PNKD: variants seen among roughly 807,000 people sequenced by gnomAD.
The protein encoded by PNKD is probable thioesterase PNKD.
In PNKD, 36 loss-of-function variants were observed where a neutral mutation model predicts 45.3. The ratio of observed to expected loss-of-function variants is 0.80; its 90% confidence interval spans 0.61 to 1.05. The LOEUF is 1.05. PNKD is among the 50% of genes least tolerant of loss of function. The probability of loss-of-function intolerance (pLI) is 0.00; values close to 1 mark genes in which losing one functional copy is unlikely to be tolerated. For missense variants in PNKD, 511 were observed against 506.6 expected (o/e 1.01, Z -0.08); for synonymous variants, 197 against 210.1 (o/e 0.94, Z 0.54).
rs1035060821 is a variant in PNKD, at chr2:218,323,538, G to A, written c.237-16245G>A. 6 of 1,126,068 alleles carry A rather than the reference G, an allele frequency of 5.3e-6. 1 individual carries two copies. The South Asian group carries it at 9.8e-5, about 18-fold the overall frequency. 69.8% of individuals were successfully genotyped at this position (1,126,068 alleles called of 1,614,324 possible). On this transcript the variant is annotated intron_variant, in intron 2 of 9. Transcript: ENST00000273077. ...GGGGGTGGGCGTGGCGGTTAGGAAGGGGCTTGGTCTAAGGGAAGAGGGATC... is the reference window on the plus strand; with the variant it reads ...GGGGGTGGGCGTGGCGGTTAGGAAGAGGCTTGGTCTAAGGGAAGAGGGATC...
At chr2:218,341,031 G>A in intron 5 of PNKD, 1 of 587,664 alleles carries the variant, frequency 1.7e-6, no homozygotes, top group Non-Finnish European at 3.0e-6. Flanking sequence ...TCATGGGCAT[G>A]TATTAGATAC....
chr2:218,325,002 T>C (rs1396854989), intron 2 of PNKD, among the ~76,000 whole-genome samples: 13 of 37,860 alleles, frequency 3.4e-4, no homozygotes, highest in Non-Finnish European at 1.7e-4. Context: ...ATTTTCTTTT[T>C]TTTTTTTTTT....
intron 8 of PNKD, among the ~76,000 whole-genome samples, chr2:218,344,088 G>C (rs1333045300): frequency 2.0e-5 from 3 of 152,198 alleles, no homozygotes; most frequent in African/African-American, 4.8e-5. Context: ...GAACACAGCA[G>C]GTACATCTGT....
chr2:218,341,406 G>A, intron 5 of PNKD, 128 bp from the exon 6 acceptor site: 1 of 632,116 alleles, frequency 1.6e-6, no homozygotes, highest in Non-Finnish European at 2.9e-6. Context: ...GCCTAGAGGT[G>A]TGGACAACTT....
In PNKD at chr2:218,340,481, C is replaced by G. The variant is rs1694640213; in HGVS notation, c.466-247C>G. Among the ~76,000 whole-genome samples the G allele has an allele frequency of 6.6e-6, 1 of 151,990 alleles. No homozygotes were observed. The highest frequency in any genetic ancestry group is 2.4e-5 in the African/African-American group (1 of 41,350). The stretch of plus-strand genomic sequence containing the variant: ...CCTCTGTCTGTCAGTATCTGGGTCT[C>G]TCTGTCTTTCCCTCCCATTCCTTAT... On this transcript the variant is annotated intron_variant, in intron 4 of 9. Transcript: ENST00000273077. This position sits in a 1 kb window ranked among gnomAD's most constrained non-coding sequence, Gnocchi z 4.2.
chr2:218,321,595 C>G (rs908819519), intron 2 of PNKD, among the ~76,000 whole-genome samples: 4 of 151,882 alleles, frequency 2.6e-5, no homozygotes, highest in African/African-American at 9.7e-5. Context: ...CTCCCAGAAC[C>G]TCCCAGCAGC....
At position 218,318,950 on chromosome 2, in the gene PNKD, C is replaced by CTTTTTTTTTTTTTTTTTTT. The variant is rs769001811; in HGVS notation, c.237-20829_237-20811dup. Among the ~76,000 whole-genome samples, 404 of 99,706 alleles carry CTTTTTTTTTTTTTTTTTTT rather than the reference C, an allele frequency of 4.1e-3. 2 individuals carry two copies. Among genetic ancestry groups the CTTTTTTTTTTTTTTTTTTT allele is most frequent in the Middle Eastern group, 7.5e-3 (1 of 134 alleles). The allele number at this position is 99,706 out of a possible 152,430, so 65.4% of individuals were successfully genotyped here. On this transcript the variant is annotated intron_variant, in intron 2 of 9. Transcript: ENST00000273077. ...GCACAAATCTTTTCTTTTTTTTTTT[C>CTTTTTTTTTTTTTTTTTTT]TTTTTTTTTTTTTTTTTTTTTTGAG... is the stretch of plus-strand genomic sequence containing the variant.
At chr2:218,302,167 G>C (rs570061501) in intron 2 of PNKD, among the ~76,000 whole-genome samples, 5 of 152,246 alleles carry the variant, frequency 3.3e-5, no homozygotes, top group Admixed American at 3.3e-4. Context: ...GGCTAACACG[G>C]TGAAACCTGT....
chr2:218,313,163 T>C (rs1346926721), intron 2 of PNKD, among the ~76,000 whole-genome samples: 1 of 151,714 alleles, frequency 6.6e-6, no homozygotes, highest in Non-Finnish European at 1.5e-5. Flanking sequence ...CAGGCTGGAG[T>C]GCAGTGGCGT....
intron 2 of PNKD, among the ~76,000 whole-genome samples, chr2:218,311,226 C>T (rs1039313592): frequency 6.6e-6 from 1 of 152,178 alleles, no homozygotes; most frequent in Non-Finnish European, 1.5e-5. Context: ...GATCTCAGTA[C>T]CTCAGGGTTC....
At chr2:218,288,405 G>A (rs1286937001) in intron 2 of PNKD, among the ~76,000 whole-genome samples, 3 of 152,136 alleles carry the variant, frequency 2.0e-5, no homozygotes, top group Non-Finnish European at 2.9e-5. Context: ...CTCCAGCCTG[G>A]GCAACAGAGG....
At chr2:218,325,263 A>G (rs1164447986) in intron 2 of PNKD, among the ~76,000 whole-genome samples, 1 of 124,432 alleles carries the variant, frequency 8.0e-6, no homozygotes, top group African/African-American at 3.0e-5. Flanking sequence ...GGAGTGGTGC[A>G]GTGGCACAAT....
At chr2:218,309,742 GCCAACATGGTGAGACC>G (rs1376179234) in intron 2 of PNKD, among the ~76,000 whole-genome samples, 1 of 151,544 alleles carries the variant, frequency 6.6e-6, no homozygotes, top group Non-Finnish European at 1.5e-5. Context: ...GATCAGCCTG[GCCAACATGGTGAGACC>G]CCATCTCTAC....
intron 2 of PNKD, among the ~76,000 whole-genome samples, chr2:218,317,094 T>C (rs763114122): frequency 2.6e-4 from 39 of 152,100 alleles, no homozygotes; most frequent in Non-Finnish European, 4.6e-4. Context: ...GAAAAGGACA[T>C]TGGAATTTAG....
chr2:218,335,651 A>G (rs1402539051), intron 2 of PNKD, among the ~76,000 whole-genome samples: 1 of 152,148 alleles, frequency 6.6e-6, no homozygotes, highest in Non-Finnish European at 1.5e-5. Flanking sequence ...TAAAACCAAA[A>G]AAAAAAGAAG....
chr2:218,281,614 C>G (rs1410353127), intron 2 of PNKD, among the ~76,000 whole-genome samples: 1 of 152,174 alleles, frequency 6.6e-6, no homozygotes, highest in Admixed American at 6.5e-5. Context: ...GCTTGTTGGC[C>G]GCTTGTTGGG....
intron 2 of PNKD, among the ~76,000 whole-genome samples, chr2:218,330,282 G>A (rs1314760552): frequency 2.0e-5 from 3 of 152,206 alleles, no homozygotes; most frequent in Non-Finnish European, 4.4e-5. Flanking sequence ...AAACCTTCAG[G>A]CTTCTCTCAG....
At chr2:218,321,498 T>C (rs1312605679) in intron 2 of PNKD, among the ~76,000 whole-genome samples, 1 of 152,200 alleles carries the variant, frequency 6.6e-6, no homozygotes, top group Non-Finnish European at 1.5e-5. Flanking sequence ...TCCAGGTCTG[T>C]CTGGGTTTTC....
rs1245977778 is a variant in PNKD at position 218,276,058 on chromosome 2, A to G, written c.236+4509A>G. ...AAACAAATGGCCCCCAGAGCAGCAT[A>G]GAGCATGTGGAGCCAGTAAACCTGG... On this transcript the variant is annotated intron_variant, in intron 2 of 9. Transcript: ENST00000273077. The G allele has an allele frequency of 6.2e-6, 10 of 1,613,128 alleles. No homozygotes were observed. The highest frequency in any genetic ancestry group is 3.3e-5 in the Admixed American group (2 of 59,862).
Sources: gnomAD v4.1 joint callset for allele counts (sites outside exome capture counted in the v4.1 genomes callset) on GRCh38, gnomAD v4.1.1 for gene constraint, Gnocchi (gnomAD v3.1) non-coding constraint, MANE v1.5 for transcripts, NCBI Gene and HGNC (gene_info 2026-07-23, HGNC 2026-07-21) for gene names.